ARK2C: variants seen among roughly 807,000 people sequenced by gnomAD.
The protein encoded by ARK2C is arkadia (RNF111) C-terminal like ring finger ubiquitin ligase 2C.
At chr18:46,420,415 G>A in the ARK2C span, among the ~76,000 whole-genome samples, 3 of 152,176 alleles carry the variant, frequency 2.0e-5, no homozygotes, top group Non-Finnish European at 4.4e-5. Context: ...CCGGGCTTGT[G>A]TAAGCATACT....
At chr18:46,342,298 C>G in the ARK2C span, among the ~76,000 whole-genome samples, 4 of 152,214 alleles carry the variant, frequency 2.6e-5, no homozygotes, top group Non-Finnish European at 4.4e-5. Context: ...CAAGGAGCCT[C>G]ATCAAGACCA....
the ARK2C span, among the ~76,000 whole-genome samples, chr18:46,383,824 C>T: frequency 0.36 from 54,008 of 151,450 alleles, 9,952 homozygotes; most frequent in East Asian, 0.69. Flanking sequence ...GTGCTGGGAT[C>T]ACAGGCGTGA....
chr18:46,422,521 T>G, the ARK2C span, among the ~76,000 whole-genome samples: 4 of 152,322 alleles, frequency 2.6e-5, no homozygotes, highest in East Asian at 3.9e-4. Context: ...GGACTACATC[T>G]CCCTCCACCT....
At chr18:46,406,289 C>T in the ARK2C span, among the ~76,000 whole-genome samples, 10 of 152,324 alleles carry the variant, frequency 6.6e-5, no homozygotes, top group South Asian at 2.1e-4. Flanking sequence ...CTGGATGCCC[C>T]GGGCAGGCGT....
the ARK2C span, among the ~76,000 whole-genome samples, chr18:46,406,463 C>G: frequency 3.9e-5 from 6 of 152,200 alleles, no homozygotes; most frequent in Admixed American, 3.9e-4. Flanking sequence ...CCAGAAAACC[C>G]AAGAGCAGGA....
the ARK2C span, among the ~76,000 whole-genome samples, chr18:46,378,246 C>T: frequency 6.6e-6 from 1 of 152,200 alleles, no homozygotes; most frequent in Non-Finnish European, 1.5e-5. Context: ...CCTGCACATG[C>T]CCTTGCGTGC....
the ARK2C span, among the ~76,000 whole-genome samples, chr18:46,404,672 G>A: frequency 1.3e-5 from 2 of 152,056 alleles, no homozygotes; most frequent in Admixed American, 6.6e-5. Context: ...AGAATTGCTT[G>A]AACCTGGGAG....
chr18:46,436,311 G>A, the ARK2C span, among the ~76,000 whole-genome samples: 10 of 152,020 alleles, frequency 6.6e-5, no homozygotes, highest in African/African-American at 2.4e-4. Flanking sequence ...TATACATTGT[G>A]GGGGAGAGAG....
chr18:46,423,152 T>G, the ARK2C span, among the ~76,000 whole-genome samples: 2 of 152,216 alleles, frequency 1.3e-5, no homozygotes, highest in East Asian at 3.9e-4. Flanking sequence ...CCCTAAAGCC[T>G]TTCCTTTGGG....
At chr18:46,453,554 T>A in the ARK2C span, among the ~76,000 whole-genome samples, 1 of 150,716 alleles carries the variant, frequency 6.6e-6, no homozygotes, top group Non-Finnish European at 1.5e-5. Flanking sequence ...AAGAACAAAA[T>A]GAATTAAAAA....
At chr18:46,341,284 T>C in the ARK2C span, among the ~76,000 whole-genome samples, 1 of 115,312 alleles carries the variant, frequency 8.7e-6, no homozygotes, top group East Asian at 2.6e-4. Flanking sequence ...CTGCAGCTGA[T>C]GACAGAGGGA....
At chr18:46,345,991 G>A in the ARK2C span, among the ~76,000 whole-genome samples, 9 of 152,142 alleles carry the variant, frequency 5.9e-5, no homozygotes, top group East Asian at 5.8e-4. Flanking sequence ...TCGGTTTCTC[G>A]ACTCTGAGGG....
At chr18:46,420,211 AGCCATG>A in the ARK2C span, among the ~76,000 whole-genome samples, 1 of 152,186 alleles carries the variant, frequency 6.6e-6, no homozygotes, top group Non-Finnish European at 1.5e-5. Context: ...TCCTGAGAAA[AGCCATG>A]GTCCAAGCTC....
chr18:46,375,319 G>A, the ARK2C span, among the ~76,000 whole-genome samples: 23 of 152,048 alleles, frequency 1.5e-4, no homozygotes, highest in East Asian at 2.5e-3. Flanking sequence ...TTGGGAGGCC[G>A]AAGTGGGTGG....
At chr18:46,373,595 A>T in the ARK2C span, among the ~76,000 whole-genome samples, 1 of 152,134 alleles carries the variant, frequency 6.6e-6, no homozygotes, top group Non-Finnish European at 1.5e-5. Context: ...GGCTTTATAG[A>T]TCCCCAGTGA....
At chr18:46,378,981 C>T in the ARK2C span, among the ~76,000 whole-genome samples, 1,191 of 152,328 alleles carry the variant, frequency 7.8e-3, 20 homozygotes, top group African/African-American at 0.027. Context: ...ACCTCACTGT[C>T]CCCAGGGCTC....
chr18:46,374,769 G>A, the ARK2C span, among the ~76,000 whole-genome samples: 10 of 151,850 alleles, frequency 6.6e-5, no homozygotes, highest in African/African-American at 2.4e-4. Context: ...TGGCTGAACT[G>A]GGGGGGCTAG....
chr18:46,335,508 C>T, the ARK2C span: 8 of 152,442 alleles, frequency 5.2e-5, no homozygotes, highest in Non-Finnish European at 1.2e-4. Flanking sequence ...CATTTCTCGT[C>T]TTGGAAATGT....
chr18:46,453,358 G>C, the ARK2C span, among the ~76,000 whole-genome samples: 3 of 152,106 alleles, frequency 2.0e-5, no homozygotes, highest in Non-Finnish European at 2.9e-5. Context: ...CCTGTGTCCC[G>C]GACCAGGGAG....
Sources: allele counts gnomAD v4.1 joint callset (sites outside exome capture counted in the v4.1 genomes callset), GRCh38; gene constraint gnomAD v4.1.1; transcripts MANE v1.5; gene names NCBI Gene and HGNC (gene_info 2026-07-23, HGNC 2026-07-21).